Variants in CADM2 observed in about 807,000 individuals in gnomAD.
The protein encoded by CADM2 is cell adhesion molecule 2.
CADM2 carries 12 observed loss-of-function variants against 49.8 expected under a neutral mutation model. That is an observed-to-expected ratio of 0.24 (90% CI 0.15 to 0.39). The LOEUF is 0.39. CADM2 is among the 10% of genes least tolerant of loss of function. CADM2 has a pLI of 1.00. For synonymous variants in CADM2, 214 were observed against 175.4 expected, an observed-to-expected ratio of 1.22 and a Z score of -1.74; for missense variants, 378 against 492.3, an observed-to-expected ratio of 0.77 and a Z score of 2.20.
At chr3:85,476,389 C>T (rs1176128166) in intron 1 of CADM2, among the ~76,000 whole-genome samples, 1 of 151,792 alleles carries the variant, frequency 6.6e-6, no homozygotes, top group Admixed American at 6.6e-5. Flanking sequence ...AAACAATACA[C>T]ATATTGAAGA....
At chr3:85,698,594 T>C (rs772194890) in intron 1 of CADM2, among the ~76,000 whole-genome samples, 4 of 151,808 alleles carry the variant, frequency 2.6e-5, no homozygotes, top group Non-Finnish European at 5.9e-5. Flanking sequence ...GAAGGAGAGG[T>C]GGGGTGGGAA....
chr3:85,924,420 G>A (rs1244491757), intron 6 of CADM2, among the ~76,000 whole-genome samples: 6 of 151,802 alleles, frequency 4.0e-5, no homozygotes, highest in African/African-American at 1.4e-4. Flanking sequence ...AGGAAACCAC[G>A]TCTCTACAAA....
intron 1 of CADM2, among the ~76,000 whole-genome samples, chr3:85,012,524 A>G (rs928527926): frequency 2.0e-5 from 3 of 149,740 alleles, no homozygotes; most frequent in Admixed American, 1.3e-4. Context: ...TACAACATGC[A>G]AGAGATTCAT....
chr3:85,134,377 C>T (rs563908891), intron 1 of CADM2, among the ~76,000 whole-genome samples: 2 of 152,214 alleles, frequency 1.3e-5, no homozygotes, highest in African/African-American at 4.8e-5. Flanking sequence ...GAGGAGGCGC[C>T]GAGAGCGAGC....
chr3:85,137,389 A>C (rs1050358624), intron 1 of CADM2, among the ~76,000 whole-genome samples: 2 of 151,976 alleles, frequency 1.3e-5, no homozygotes, highest in Non-Finnish European at 2.9e-5. Context: ...ACTTAGTGAA[A>C]AAAAGCATAA....
intron 1 of CADM2, among the ~76,000 whole-genome samples, chr3:85,634,033 A>G (rs1324774261): frequency 6.6e-6 from 1 of 152,024 alleles, no homozygotes; most frequent in Admixed American, 6.6e-5. Flanking sequence ...AACTTGTAAA[A>G]TCCAAATTCC....
chr3:85,812,061 T>C (rs550005527), intron 3 of CADM2, among the ~76,000 whole-genome samples: 1 of 152,170 alleles, frequency 6.6e-6, no homozygotes, highest in South Asian at 2.1e-4. Context: ...ATGCTGGGCA[T>C]TGAGAATACT....
intron 8 of CADM2, among the ~76,000 whole-genome samples, chr3:86,040,462 C>A (rs1278417392): frequency 2.0e-5 from 3 of 152,020 alleles, no homozygotes; most frequent in African/African-American, 4.8e-5. Context: ...CTGATTCGAT[C>A]AACTGGAAGA....
intron 8 of CADM2, chr3:86,014,827 AAGC>A (rs1732005968): frequency 6.7e-7 from 1 of 1,502,496 alleles, no homozygotes; most frequent in African/African-American, 1.4e-5. Context: ...ACCATCTATG[AAGC>A]CCTCCACCTG....
At chr3:85,986,356 T>C (rs1461322984) in intron 8 of CADM2, among the ~76,000 whole-genome samples, 1 of 152,058 alleles carries the variant, frequency 6.6e-6, no homozygotes, top group African/African-American at 2.4e-5. Context: ...AATAGAACAT[T>C]TGGAGTAGTA....
At chr3:85,422,512 C>T (rs925253574) in intron 1 of CADM2, among the ~76,000 whole-genome samples, 4 of 152,102 alleles carry the variant, frequency 2.6e-5, no homozygotes, top group Admixed American at 6.5e-5. Flanking sequence ...CTCCTGACCT[C>T]GTGATCCTCC....
At chr3:85,775,146 A>G (rs1225958023) in intron 2 of CADM2, among the ~76,000 whole-genome samples, 1 of 151,770 alleles carries the variant, frequency 6.6e-6, no homozygotes, top group Non-Finnish European at 1.5e-5. Flanking sequence ...TATTTAACAT[A>G]CTTAAGGTGA....
rs1357267699 is a variant in CADM2 at position 84,959,558 on chromosome 3, A to G, written c.-50A>G. The G allele has an allele frequency of 7.3e-6, 11 of 1,504,642 alleles. No homozygotes were observed. Among genetic ancestry groups the G allele is most frequent in the East Asian group, 4.9e-5 (2 of 40,706 alleles). The allele number at this position is 1,504,642 out of a possible 1,614,324, so 93.2% of individuals were successfully genotyped here. A position where few individuals can be genotyped will look rare whatever the true frequency, so the allele number is the denominator to read the frequency against. On this transcript the variant is annotated 5_prime_UTR_variant, in exon 1 of 10. Transcript: ENST00000383699. ...CCTGCACTCTCGTGCCCCGCTCACC[A>G]GCATCTACTTGCCCCCTCGTTCCTT... is the stretch of plus-strand genomic sequence containing the variant.
intron 1 of CADM2, among the ~76,000 whole-genome samples, chr3:84,985,945 C>A (rs1211937551): frequency 1.3e-5 from 2 of 152,138 alleles, no homozygotes; most frequent in Non-Finnish European, 2.9e-5. Context: ...TTAGCTGACC[C>A]CATTAGTGGG....
chr3:85,786,470 T>C (rs1295838307), intron 2 of CADM2, among the ~76,000 whole-genome samples: 1 of 152,022 alleles, frequency 6.6e-6, no homozygotes, highest in Admixed American at 6.6e-5. Flanking sequence ...CATGCAAACA[T>C]GGACAAGATG....
chr3:85,822,788 A>G (rs2073668605), intron 3 of CADM2, among the ~76,000 whole-genome samples: 1 of 152,122 alleles, frequency 6.6e-6, no homozygotes, highest in Non-Finnish European at 1.5e-5. Flanking sequence ...ACAAAATATA[A>G]ATTCAAAATG....
intron 1 of CADM2, among the ~76,000 whole-genome samples, chr3:85,242,763 C>T (rs1024648318): frequency 1.3e-5 from 2 of 151,660 alleles, no homozygotes; most frequent in African/African-American, 4.8e-5. Context: ...ACATATTTTT[C>T]ATTTTAAGAA....
chr3:85,799,774 C>T (rs1445065006), intron 2 of CADM2, among the ~76,000 whole-genome samples: 1 of 152,180 alleles, frequency 6.6e-6, no homozygotes, highest in African/African-American at 2.4e-5. Context: ...CCCAGAGTGG[C>T]ACCTGCCAGA....
chr3:85,540,611 C>G (rs1317013454), intron 1 of CADM2, among the ~76,000 whole-genome samples: 2 of 152,126 alleles, frequency 1.3e-5, no homozygotes, highest in Non-Finnish European at 2.9e-5. Context: ...AGTACAAACT[C>G]TCACACTGAA....
Sources: allele counts gnomAD v4.1 joint callset (sites outside exome capture counted in the v4.1 genomes callset), GRCh38; gene constraint gnomAD v4.1.1; transcripts MANE v1.5; gene names NCBI Gene and HGNC (gene_info 2026-07-23, HGNC 2026-07-21).